CSMD1: variants seen among roughly 807,000 people sequenced by gnomAD.
CSMD1 encodes the protein CUB and sushi domain-containing protein 1.
CSMD1 carries 213 observed loss-of-function variants against 417.5 expected under a neutral mutation model. The ratio of observed to expected loss-of-function variants is 0.51; its 90% CI spans 0.46 to 0.57. CSMD1 has a LOEUF of 0.57. Among genes scored for constraint, CSMD1 ranks in the 20% least tolerant of loss-of-function variants. The pLI is 0.00. For synonymous variants in CSMD1, 2,862 were observed against 1,736.8 expected, an observed-to-expected ratio of 1.65 and a Z score of -16.11; for missense variants, 6,923 against 4,529.7, an observed-to-expected ratio of 1.53 and a Z score of -15.17.
intron 1 of CSMD1, among the ~76,000 whole-genome samples, chr8:4,975,579 G>C (rs1810503787): frequency 6.6e-6 from 1 of 152,190 alleles, no homozygotes; most frequent in Non-Finnish European, 1.5e-5. Context: ...ATACAGTGGA[G>C]TTTGGACTAG....
chr8:3,873,918 C>T (rs113313591), intron 5 of CSMD1, among the ~76,000 whole-genome samples: 1 of 152,144 alleles, frequency 6.6e-6, no homozygotes, highest in Non-Finnish European at 1.5e-5. Context: ...TTGGAGACAA[C>T]TAGATCTGAC....
At chr8:4,076,406 G>T (rs1167647414) in intron 3 of CSMD1, among the ~76,000 whole-genome samples, 2 of 152,110 alleles carry the variant, frequency 1.3e-5, no homozygotes, top group African/African-American at 2.4e-5. Context: ...GCGTAAGAAT[G>T]GACTAATACA....
At chr8:4,982,485 G>T (rs574717103) in intron 1 of CSMD1, among the ~76,000 whole-genome samples, 3 of 152,112 alleles carry the variant, frequency 2.0e-5, no homozygotes, top group Admixed American at 1.3e-4. Context: ...AACGGGTATT[G>T]TCATTAAAGG....
intron 5 of CSMD1, among the ~76,000 whole-genome samples, chr8:3,801,832 G>A (rs1377271931): frequency 1.3e-5 from 2 of 152,088 alleles, no homozygotes; most frequent in Non-Finnish European, 2.9e-5. Flanking sequence ...GGAATACTGA[G>A]GGACCAGAAT....
intron 3 of CSMD1, among the ~76,000 whole-genome samples, chr8:4,302,495 T>G (rs1231655030): frequency 2.0e-5 from 3 of 152,194 alleles, no homozygotes; most frequent in Non-Finnish European, 4.4e-5. Context: ...GTAAGCTACT[T>G]GACCACAGTA....
chr8:4,500,075 A>AAAG (rs79404395), intron 2 of CSMD1, among the ~76,000 whole-genome samples: 1 of 150,340 alleles, frequency 6.7e-6, no homozygotes, highest in Non-Finnish European at 1.5e-5. Context: ...ATGTGTCTGA[A>AAAG]GAGAAGTTAT....
chr8:3,426,850 T>C (rs1452977349), intron 12 of CSMD1, among the ~76,000 whole-genome samples: 1 of 152,170 alleles, frequency 6.6e-6, no homozygotes, highest in African/African-American at 2.4e-5. Flanking sequence ...TGTACTACTA[T>C]AAGGAACTGC....
chr8:3,322,107 A>C (rs2117483848), intron 23 of CSMD1, among the ~76,000 whole-genome samples: 1 of 152,330 alleles, frequency 6.6e-6, no homozygotes, highest in South Asian at 2.1e-4. Flanking sequence ...AGACATCTTC[A>C]GTGTTATGAA....
intron 3 of CSMD1, among the ~76,000 whole-genome samples, chr8:4,213,785 G>A (rs139098899): frequency 3.9e-5 from 6 of 152,304 alleles, no homozygotes; most frequent in African/African-American, 1.4e-4. Flanking sequence ...TGTGGTGAGG[G>A]TGGAACGCAA....
In CSMD1 at chr8:4,698,870, C is replaced by A. The variant is rs1347052625; in HGVS notation, c.86-61312G>T. Among the ~76,000 whole-genome samples, 3 of 151,486 alleles carry A rather than the reference C, an allele frequency of 2.0e-5. No homozygotes were observed. In the East Asian group the frequency reaches 5.8e-4, roughly 29 times the overall value. On this transcript the variant is annotated intron_variant, in intron 1 of 69. Transcript: ENST00000635120. ...ATAGGGTTACTTCAATACATTTTGGCAATCCAACTCTTAAACATGTGCATA... is the reference window on the plus strand; with the variant it reads ...ATAGGGTTACTTCAATACATTTTGGAAATCCAACTCTTAAACATGTGCATA...
intron 3 of CSMD1, among the ~76,000 whole-genome samples, chr8:4,403,440 C>G (rs900079770): frequency 5.3e-5 from 8 of 152,134 alleles, no homozygotes; most frequent in African/African-American, 9.7e-5. Flanking sequence ...TGCCATTCGA[C>G]TCAAAATGTC....
At chr8:2,947,834 T>C (rs544530441) in intron 68 of CSMD1, among the ~76,000 whole-genome samples, 3 of 152,292 alleles carry the variant, frequency 2.0e-5, no homozygotes, top group African/African-American at 7.2e-5. Flanking sequence ...CAATTTAACA[T>C]ATAATCTCAG....
intron 3 of CSMD1, among the ~76,000 whole-genome samples, chr8:4,266,744 A>C (rs1804253920): frequency 9.5e-6 from 1 of 105,264 alleles, no homozygotes; most frequent in African/African-American, 2.6e-5. Context: ...GTCTAATAAA[A>C]ATTTGATGAT....
At chr8:3,857,910 ACCAGGCTTTGGCTT>A (rs1355815215) in intron 5 of CSMD1, among the ~76,000 whole-genome samples, 2 of 152,246 alleles carry the variant, frequency 1.3e-5, no homozygotes, top group Non-Finnish European at 2.9e-5. Context: ...CTTAAAATTG[ACCAGGCTTTGGCTT>A]CCAGCCAATC....
At chr8:4,958,760 CT>C (rs926867679) in intron 1 of CSMD1, among the ~76,000 whole-genome samples, 1 of 141,402 alleles carries the variant, frequency 7.1e-6, no homozygotes, top group Admixed American at 6.8e-5. Context: ...TAATTTCCCC[CT>C]GTTTCAAACT....
chr8:3,444,901 C>G (rs1815205811), intron 12 of CSMD1, among the ~76,000 whole-genome samples: 1 of 152,158 alleles, frequency 6.6e-6, no homozygotes, highest in Non-Finnish European at 1.5e-5. Context: ...ATAAACACAG[C>G]TGGTCAGTGC....
chr8:4,167,731 T>G (rs1177009272), intron 3 of CSMD1, among the ~76,000 whole-genome samples: 1 of 152,206 alleles, frequency 6.6e-6, no homozygotes, highest in East Asian at 1.9e-4. Context: ...GGTTCACACC[T>G]GTAATTCCAG....
At chr8:4,745,028 T>C (rs1300411986) in intron 1 of CSMD1, among the ~76,000 whole-genome samples, 1 of 152,180 alleles carries the variant, frequency 6.6e-6, no homozygotes, top group Non-Finnish European at 1.5e-5. Flanking sequence ...TTGTGTTAAA[T>C]TGAACTAATA....
chr8:4,112,614 C>T (rs946468807), intron 3 of CSMD1, among the ~76,000 whole-genome samples: 13 of 152,148 alleles, frequency 8.5e-5, no homozygotes, highest in African/African-American at 2.7e-4. Flanking sequence ...AGGGCTGGTT[C>T]TCAGCAAGCA....
Sources: allele counts gnomAD v4.1 joint callset (sites outside exome capture counted in the v4.1 genomes callset), GRCh38; gene constraint gnomAD v4.1.1; transcripts MANE v1.5; gene names NCBI Gene and HGNC (gene_info 2026-07-23, HGNC 2026-07-21).